The following ARAP2 variants were observed in gnomAD, a reference collection of about 807,000 sequenced individuals.
ARAP2 encodes the protein arf-GAP with Rho-GAP domain, ANK repeat and PH domain-containing protein 2.
ARAP2 carries 148 observed loss-of-function variants against 194.5 expected under a neutral mutation model. The ratio of observed to expected loss-of-function variants is 0.76; its 90% CI spans 0.67 to 0.87. The LOEUF (loss-of-function observed/expected upper bound fraction) is 0.87, where lower values mean the gene tolerates loss of function less well. Among genes scored for constraint, ARAP2 ranks in the 40% least tolerant of loss-of-function variants. The pLI is 0.00. For missense variants in ARAP2, 2,128 were observed against 1,989.7 expected (o/e 1.07, Z -1.32); for synonymous variants, 695 against 683.5 (o/e 1.02, Z -0.26).
chr4:36,179,787 T>C (rs1738807672), intron 8 of ARAP2, among the ~76,000 whole-genome samples: 1 of 152,214 alleles, frequency 6.6e-6, no homozygotes, highest in African/African-American at 2.4e-5. Context: ...AGTCTCCGTA[T>C]TACACTTACT....
At chr4:36,235,417 G>A (rs1407696759) in intron 1 of ARAP2, among the ~76,000 whole-genome samples, 1 of 152,064 alleles carries the variant, frequency 6.6e-6, no homozygotes, top group Non-Finnish European at 1.5e-5. Context: ...TTCTTCTCCA[G>A]CATATACGTA....
At chr4:36,194,338 G>C (rs1742604179) in intron 6 of ARAP2, among the ~76,000 whole-genome samples, 1 of 152,132 alleles carries the variant, frequency 6.6e-6, no homozygotes, top group South Asian at 2.1e-4. Context: ...GTGAAGAACT[G>C]TTTTTACTTA....
intron 1 of ARAP2, among the ~76,000 whole-genome samples, chr4:36,240,301 A>G (rs1486667154): frequency 6.6e-6 from 1 of 152,232 alleles, no homozygotes; most frequent in African/African-American, 2.4e-5. Context: ...CGGTCTGCAT[A>G]GTAGTATTAC....
chr4:36,021,592 G>A lies in ARAP2; in HGVS notation n.608-2306C>T, dbSNP rs78090412. On this transcript the variant is annotated intron_variant and non_coding_transcript_variant, in intron 5 of 12. Coordinates refer to the ARAP2 transcript ENST00000503225. ...TCTGCCATGATTGTAAGCTTCCAGA[G>A]GGCTCCCAAGAAGTGGATGCCGCTA... Among the ~76,000 whole-genome samples, 651 of 152,302 alleles carry A rather than the reference G, an allele frequency of 4.3e-3. 3 individuals are homozygous for A. The highest frequency in any genetic ancestry group is 0.014 in the Middle Eastern group (4 of 294).
At chr4:36,135,213 A>G (rs1212342921) in intron 19 of ARAP2, among the ~76,000 whole-genome samples, 1 of 151,814 alleles carries the variant, frequency 6.6e-6, no homozygotes, top group African/African-American at 2.4e-5. Flanking sequence ...AGAGGCATGA[A>G]TAAACCGCAT....
At chr4:36,028,637 GATTTATTA>G (rs1252016425) in intron 5 of ARAP2, among the ~76,000 whole-genome samples, 3 of 150,142 alleles carry the variant, frequency 2.0e-5, no homozygotes, top group African/African-American at 7.3e-5. Context: ...TCAGTCTATT[GATTTATTA>G]ATTATGTTTT....
At chr4:36,214,526 A>G in intron 2 of ARAP2, 46 bp from the exon 3 acceptor site, 1 of 1,264,822 alleles carries the variant, frequency 7.9e-7, no homozygotes. Context: ...AATATTTATG[A>G]TATTTATGAG....
chr4:36,080,275 G>A lies in ARAP2; in HGVS notation c.4549C>T (p.Leu1517=), dbSNP rs1263954421. ...TAYSEKHHWH[L]CCDSSRTQTE... is the part of the protein sequence containing the mutation. ...TGAGTTCGTGAACTATCACAACACA[G>A]GTGCCTGCAAAACGAGGTTTATAAA... Residue 1517 remains leucine (L), a synonymous_variant, in exon 31 of 33, where the codon CTG becomes TTG. Coordinates refer to ENST00000303965, the MANE Select transcript of ARAP2 (RefSeq NM_015230.4). 1 of 1,612,346 alleles carries A rather than the reference G, an allele frequency of 6.2e-7. No homozygotes were observed. Among genetic ancestry groups the A allele is most frequent in the Admixed American group, 1.7e-5 (1 of 59,942 alleles).
At chr4:36,203,422 A>G (rs2109237753) in intron 6 of ARAP2, among the ~76,000 whole-genome samples, 1 of 152,136 alleles carries the variant, frequency 6.6e-6, no homozygotes, top group South Asian at 2.1e-4. Flanking sequence ...CCTCTCTACT[A>G]AAAATACAAA....
chr4:36,135,760 T>A (rs1435758768), intron 19 of ARAP2, among the ~76,000 whole-genome samples: 1 of 151,792 alleles, frequency 6.6e-6, no homozygotes, highest in African/African-American at 2.4e-5. Flanking sequence ...CAAGTTTAGG[T>A]AAAGAGAAAA....
chr4:36,169,670 T>C (rs748702980), intron 9 of ARAP2, among the ~76,000 whole-genome samples: 1 of 152,106 alleles, frequency 6.6e-6, no homozygotes, highest in Non-Finnish European at 1.5e-5. Context: ...TAGCTGGGAC[T>C]ACAGGTGTGC....
intron 5 of ARAP2, among the ~76,000 whole-genome samples, chr4:36,035,729 A>G (rs1015187414): frequency 4.6e-5 from 7 of 152,100 alleles, no homozygotes; most frequent in Non-Finnish European, 7.4e-5. Context: ...TATTTTATTC[A>G]CTTCAAGATG....
intron 19 of ARAP2, among the ~76,000 whole-genome samples, chr4:36,136,919 TACACGCGCGCGCGCACACACACACAC>T (rs957046757): frequency 1.3e-5 from 1 of 75,820 alleles, no homozygotes; most frequent in Non-Finnish European, 2.4e-5. Context: ...GACACACACA[TACACGCGCGCGCGCACACACACACAC>T]ACACACACAC....
chr4:36,201,381 A>C (rs1189947378), intron 6 of ARAP2, among the ~76,000 whole-genome samples: 1 of 152,220 alleles, frequency 6.6e-6, no homozygotes, highest in Non-Finnish European at 1.5e-5. Context: ...TTTGACCTCT[A>C]CATTTTATAT....
rs374054098 is a variant in ARAP2, at chr4:36,221,735, G to T, written c.905+6847C>A. Among the ~76,000 whole-genome samples the T allele has an allele frequency of 1.1e-4, 17 of 152,230 alleles. No individual in the cohort carries two copies. The South Asian group carries it at 2.7e-3, about 24-fold the overall frequency. The stretch of plus-strand genomic sequence containing the variant: ...AGATGAAAAATTGGCACAAATATAG[G>T]AAGTAAGTTGTTTTGAAAACTCTTG... On this transcript the variant is annotated intron_variant, in intron 2 of 32. Coordinates refer to ENST00000303965, the MANE Select transcript of ARAP2 (RefSeq NM_015230.4).
chr4:36,027,019 T>C (rs777683580), intron 5 of ARAP2, among the ~76,000 whole-genome samples: 1 of 152,192 alleles, frequency 6.6e-6, no homozygotes, highest in Non-Finnish European at 1.5e-5. Context: ...GCCTGTATGA[T>C]CACATTCAGG....
intron 9 of ARAP2, among the ~76,000 whole-genome samples, chr4:36,009,882 G>GT (rs1714101658): frequency 1.4e-5 from 2 of 142,834 alleles, no homozygotes; most frequent in South Asian, 2.3e-4. Flanking sequence ...GTTTTTTTTG[G>GT]CGGGGGGTAG....
Position 36,150,456 on chromosome 4 carries a change from G to C in ARAP2, c.2897+444C>G, listed in dbSNP as rs950486050. Among the ~76,000 whole-genome samples the C allele has an allele frequency of 3.9e-5, 6 of 151,998 alleles. 1 individual carries two copies. The highest frequency in any genetic ancestry group is 1.4e-4 in the African/African-American group (6 of 41,396). ...AGGTCAGGAGTTTGAGACCAGCCTGGCCAATATGGTGTAACTCCATCTCCA... is the reference window on the plus strand; with the variant it reads ...AGGTCAGGAGTTTGAGACCAGCCTGCCCAATATGGTGTAACTCCATCTCCA... On this transcript the variant is annotated intron_variant, in intron 16 of 32. Coordinates refer to ENST00000303965, the MANE Select transcript of ARAP2 (RefSeq NM_015230.4).
chr4:36,129,627 T>C (rs953805224), intron 20 of ARAP2, among the ~76,000 whole-genome samples: 3 of 151,876 alleles, frequency 2.0e-5, no homozygotes, highest in Non-Finnish European at 4.4e-5. Flanking sequence ...CCCTTCCCTC[T>C]GTGACTGCTC....
Sources: allele counts gnomAD v4.1 joint callset (sites outside exome capture counted in the v4.1 genomes callset), GRCh38; gene constraint gnomAD v4.1.1; transcripts MANE v1.5; gene names NCBI Gene and HGNC (gene_info 2026-07-23, HGNC 2026-07-21).